The following EAF2 variants were observed in gnomAD, a reference collection of about 807,000 sequenced individuals.
EAF2 encodes ELL associated factor 2, also known as ELL-associated factor 2.
In EAF2, 29 loss-of-function variants were observed where a neutral mutation model predicts 29.4. That is an observed-to-expected ratio of 0.99 (90% CI 0.73 to 1.35). The LOEUF is 1.35. Among genes scored for constraint, EAF2 ranks in the 40% most tolerant of loss-of-function variants. The probability of loss-of-function intolerance (pLI) is 0.00; values close to 1 mark genes in which losing one functional copy is unlikely to be tolerated. For missense variants in EAF2, 292 were observed against 312.0 expected, an observed-to-expected ratio of 0.94 and a Z score of 0.48; for synonymous variants, 103 against 102.5, an observed-to-expected ratio of 1.00 and a Z score of -0.03.
chr3:121,872,149 C>T (rs1418306555), intron 4 of EAF2, among the ~76,000 whole-genome samples: 1 of 151,876 alleles, frequency 6.6e-6, no homozygotes, highest in African/African-American at 2.4e-5. Context: ...TGAAGTTCAT[C>T]TGTTACATTA....
chr3:121,875,335 A>C (rs962372246), intron 5 of EAF2, among the ~76,000 whole-genome samples: 1 of 152,010 alleles, frequency 6.6e-6, no homozygotes, highest in African/African-American at 2.4e-5. Flanking sequence ...GTGTGGGCAT[A>C]GGGTCTGTAG....
chr3:121,844,531 C>T lies in EAF2; in HGVS notation c.185C>T (p.Thr62Ile). 6.2e-7 allele frequency: 1 copy of T among 1,605,370 alleles called. No individual in the cohort carries two copies. The highest frequency in any genetic ancestry group is 8.5e-7 in the Non-Finnish European group (1 of 1,174,116). Residue 62 changes from threonine to isoleucine, a missense_variant, in exon 2 of 6, where the codon ACT (threonine) becomes ATT (isoleucine). Coordinates refer to ENST00000273668, the MANE Select transcript of EAF2 (RefSeq NM_018456.6). ...EVGEGEQVTITLPNIEGSTPP... is the reference protein window; with the variant it reads ...EVGEGEQVTIILPNIEGSTPP... ...GGTGAAGGTGAACAGGTGACCATAACTCTGCCAAATATAGAAGTGAGTATT... is the reference window on the plus strand; with the variant it reads ...GGTGAAGGTGAACAGGTGACCATAATTCTGCCAAATATAGAAGTGAGTATT...
At chr3:121,884,713 C>A (rs1223410269) in intron 5 of EAF2, among the ~76,000 whole-genome samples, 1 of 95,548 alleles carries the variant, frequency 1.0e-5, no homozygotes, top group Non-Finnish European at 2.7e-5. Context: ...GCGTGAGCCA[C>A]CGCGTGCCCG....
chr3:121,872,510 A>G (rs751755802), intron 4 of EAF2, 27 bp from the exon 5 acceptor site: 40 of 1,504,852 alleles, frequency 2.7e-5, no homozygotes, highest in Non-Finnish European at 3.6e-5. Flanking sequence ...TATTTAACCT[A>G]TCTATTCATT....
intron 5 of EAF2, among the ~76,000 whole-genome samples, chr3:121,884,510 C>T (rs1180343438): frequency 6.6e-6 from 1 of 151,422 alleles, no homozygotes; most frequent in Non-Finnish European, 1.5e-5. Flanking sequence ...TTACTGCAAC[C>T]TCCACCTCCT....
intron 1 of EAF2, chr3:121,837,750 G>A (rs982116474): frequency 2.0e-5 from 3 of 152,134 alleles, no homozygotes; most frequent in Admixed American, 2.0e-4. Context: ...ATTTATCAGA[G>A]TTTAGCAATA....
rs540188973 is a variant in EAF2, at chr3:121,886,093, T to G, written c.737-249T>G. Among the ~76,000 whole-genome samples, 6 of 152,174 alleles carry G rather than the reference T, an allele frequency of 3.9e-5. No individual in the cohort carries two copies. The East Asian group carries it at 1.2e-3, about 29-fold the overall frequency. ...ATCAGTGATATAAAAAAAAGAGTGA[T>G]GGGGATATGTGAAAGAAGACTAAAA... On this transcript the variant is annotated intron_variant, in intron 5 of 5. Coordinates refer to ENST00000273668, the MANE Select transcript of EAF2 (RefSeq NM_018456.6).
chr3:121,845,440 C>CAA (rs747436052), intron 2 of EAF2, among the ~76,000 whole-genome samples: 707 of 58,900 alleles, frequency 0.012, 15 homozygotes, highest in East Asian at 0.023. Flanking sequence ...TCCTACATCT[C>CAA]AAAAAAAAAA....
intron 5 of EAF2, among the ~76,000 whole-genome samples, chr3:121,878,625 C>T (rs1483389258): frequency 6.6e-6 from 1 of 152,168 alleles, no homozygotes; most frequent in Admixed American, 6.5e-5. Flanking sequence ...ACTTTATTAA[C>T]TCTCACATGT....
rs1218968163 is a variant in EAF2, at chr3:121,837,951, T to C, written c.106+2560T>C. Among the ~76,000 whole-genome samples the C allele has an allele frequency of 2.6e-4, 39 of 152,194 alleles. 1 individual carries two copies. Among genetic ancestry groups the C allele is most frequent in the Admixed American group, 2.6e-3 (39 of 15,276 alleles). On this transcript the variant is annotated intron_variant, in intron 1 of 5. Coordinates refer to ENST00000273668, the MANE Select transcript of EAF2 (RefSeq NM_018456.6). ...TATATCCAGATAAGGCAATGAATTG[T>C]GAAATCCTAAGTTTGTAAATGACAC...
intron 2 of EAF2, among the ~76,000 whole-genome samples, chr3:121,848,889 C>A (rs963780338): frequency 3.3e-5 from 5 of 150,712 alleles, no homozygotes; most frequent in African/African-American, 1.2e-4. Context: ...CCCCCCCCCA[C>A]ACAAAAAAAA....
At position 121,872,572 on chromosome 3, in the gene EAF2, A is replaced by T. The variant is rs149263421; in HGVS notation, c.520A>T (p.Ser174Cys). The change falls in exon 5 of 6, where the codon AGT (serine) becomes TGT (cysteine). Residue 174 changes from serine (S) to cysteine (C), a missense_variant. By Grantham distance (112) the Ser-to-Cys change is moderately radical (BLOSUM62 -1). Coordinates refer to ENST00000273668, the MANE Select transcript of EAF2 (RefSeq NM_018456.6). The stretch of plus-strand genomic sequence containing the variant: ...AGAAGCTAGTCTAATGGACCAGATG[A>T]GTAGTTGTGATAGTTCATCAGATTC... The part of the protein sequence containing the change: ...KAEASLMDQM[S>C]SCDSSSDSKS... 7.4e-6 allele frequency: 12 copies of T among 1,611,702 alleles called. No individual in the cohort carries two copies. In the African/African-American group the frequency reaches 1.1e-4, roughly 14 times the overall value.
intron 4 of EAF2, among the ~76,000 whole-genome samples, chr3:121,857,849 T>G (rs2107521037): frequency 1.3e-5 from 2 of 150,918 alleles, no homozygotes. Flanking sequence ...CAGGCCCCGG[T>G]GTGTGATGGA....
intron 1 of EAF2, among the ~76,000 whole-genome samples, chr3:121,841,795 G>C (rs1218949338): frequency 6.6e-6 from 1 of 151,774 alleles, no homozygotes; most frequent in Non-Finnish European, 1.5e-5. Flanking sequence ...GGATCACGAG[G>C]TCAGGAGTTC....
At chr3:121,846,050 A>AT (rs938866544) in intron 2 of EAF2, among the ~76,000 whole-genome samples, 4 of 151,782 alleles carry the variant, frequency 2.6e-5, no homozygotes, top group African/African-American at 4.8e-5. Context: ...ATTTTTTGAG[A>AT]TTTTTTCTTT....
chr3:121,841,504 CAAAAAAAAAAAAAAAAAAAA>C (rs57868658), intron 1 of EAF2, among the ~76,000 whole-genome samples: 75 of 26,014 alleles, frequency 2.9e-3, no homozygotes, highest in Non-Finnish European at 5.0e-3. Context: ...GACCCTGTCT[CAAAAAAAAAAAAAAAAAAAA>C]AAAAAAAAAA....
intron 5 of EAF2, 78 bp downstream of exon 5, chr3:121,872,866 G>T (rs1709040806): frequency 1.3e-6 from 2 of 1,525,858 alleles, no homozygotes. Flanking sequence ...CTAATATTTG[G>T]ATAAAGAAAA....
chr3:121,868,044 A>C (rs2107534086), intron 4 of EAF2, among the ~76,000 whole-genome samples: 1 of 152,348 alleles, frequency 6.6e-6, no homozygotes, highest in East Asian at 1.9e-4. Context: ...AGAGGAAGCA[A>C]ACAGAAAACA....
At chr3:121,850,036 A>G (rs952264489) in intron 2 of EAF2, among the ~76,000 whole-genome samples, 1 of 149,116 alleles carries the variant, frequency 6.7e-6, no homozygotes, top group Admixed American at 6.7e-5. Context: ...AGCTATCTTT[A>G]CTTTTTTTCT....
Sources: allele counts gnomAD v4.1 joint callset (sites outside exome capture counted in the v4.1 genomes callset), GRCh38; gene constraint gnomAD v4.1.1; transcripts MANE v1.5; gene names NCBI Gene and HGNC (gene_info 2026-07-23, HGNC 2026-07-21).